Variants in RIMS2 observed in about 807,000 individuals in gnomAD.
The protein encoded by RIMS2 is regulating synaptic membrane exocytosis protein 2.
In RIMS2, 59 loss-of-function variants were observed where a neutral mutation model predicts 174.4. The observed-to-expected ratio is 0.34, with a 90% CI of 0.27 to 0.42. RIMS2 has a LOEUF of 0.42. RIMS2 is among the 10% of genes least tolerant of loss of function. The probability of loss-of-function intolerance (pLI) is 1.00; values close to 1 mark genes in which losing one functional copy is unlikely to be tolerated. For missense variants in RIMS2, 1,620 were observed against 1,666.3 expected, an observed-to-expected ratio of 0.97 and a Z score of 0.48; for synonymous variants, 606 against 572.5, an observed-to-expected ratio of 1.06 and a Z score of -0.84.
At chr8:104,056,396 T>TC (rs531094381) in intron 19 of RIMS2, among the ~76,000 whole-genome samples, 519 of 144,962 alleles carry the variant, frequency 3.6e-3, no homozygotes, top group Non-Finnish European at 6.1e-3. Context: ...AGAGTGAGAC[T>TC]CCATCTTAAA....
intron 1 of RIMS2, among the ~76,000 whole-genome samples, chr8:103,533,597 G>C (rs1034599539): frequency 1.3e-5 from 2 of 148,764 alleles, no homozygotes; most frequent in Non-Finnish European, 3.0e-5. Flanking sequence ...AGGAGGCAGA[G>C]GTTGCAGTGA....
At chr8:104,159,310 A>G (rs1271186751) in intron 19 of RIMS2, among the ~76,000 whole-genome samples, 1 of 152,168 alleles carries the variant, frequency 6.6e-6, no homozygotes, top group African/African-American at 2.4e-5. Flanking sequence ...CTTGTAGTAT[A>G]GTTTGAAGTC....
intron 4 of RIMS2, among the ~76,000 whole-genome samples, chr8:103,905,644 T>C (rs2074216102): frequency 7.1e-6 from 1 of 141,722 alleles, no homozygotes; most frequent in South Asian, 2.3e-4. Flanking sequence ...AAATTTTCAG[T>C]CTTTATTTCT....
intron 1 of RIMS2, among the ~76,000 whole-genome samples, chr8:103,539,228 A>G (rs1841372885): frequency 6.6e-6 from 1 of 152,346 alleles, no homozygotes; most frequent in East Asian, 1.9e-4. Flanking sequence ...AGATGACATT[A>G]TTCTTCTACT....
intron 19 of RIMS2, among the ~76,000 whole-genome samples, chr8:104,065,441 A>G (rs1263928100): frequency 6.6e-6 from 1 of 152,162 alleles, no homozygotes; most frequent in African/African-American, 2.4e-5. Flanking sequence ...TTTCTTAGAT[A>G]GAGCAAAGGA....
intron 3 of RIMS2, among the ~76,000 whole-genome samples, chr8:103,814,733 T>C (rs13260851): frequency 0.032 from 4,870 of 152,014 alleles, 104 homozygotes; most frequent in Non-Finnish European, 0.052. Flanking sequence ...TCAAAAATTA[T>C]TCAGGCATGA....
intron 2 of RIMS2, among the ~76,000 whole-genome samples, chr8:103,726,482 T>C (rs2097528876): frequency 1.3e-5 from 2 of 152,012 alleles, no homozygotes; most frequent in African/African-American, 2.4e-5. Flanking sequence ...GGATATTCCC[T>C]TGCTATACTT....
chr8:104,106,064 A>AAAAAAAG (rs1440086447), intron 19 of RIMS2, among the ~76,000 whole-genome samples: 1 of 146,924 alleles, frequency 6.8e-6, no homozygotes, highest in East Asian at 2.0e-4. Context: ...AAAAAAAAAA[A>AAAAAAAG]AGAGAAAGAG....
chr8:104,225,520 G>A (rs2099181901), intron 19 of RIMS2, among the ~76,000 whole-genome samples: 1 of 152,124 alleles, frequency 6.6e-6, no homozygotes, highest in Non-Finnish European at 1.5e-5. Context: ...GTTTGCTTCA[G>A]ATAAGGTATC....
At chr8:103,855,243 C>A (rs1564932506) in intron 3 of RIMS2, among the ~76,000 whole-genome samples, 1 of 151,780 alleles carries the variant, frequency 6.6e-6, no homozygotes, top group East Asian at 1.9e-4. Context: ...TTTGGATCTT[C>A]TTTTTTTCTT....
chr8:104,037,490 T>C (rs2096540059), intron 19 of RIMS2, among the ~76,000 whole-genome samples: 1 of 152,202 alleles, frequency 6.6e-6, no homozygotes, highest in South Asian at 2.1e-4. Flanking sequence ...TTGTAAATGG[T>C]GGTAAGTGAG....
At chr8:103,549,014 C>G (rs181936564) in intron 1 of RIMS2, among the ~76,000 whole-genome samples, 2 of 151,970 alleles carry the variant, frequency 1.3e-5, no homozygotes, top group African/African-American at 4.8e-5. Context: ...TCAAAGAAAT[C>G]AGAGATACCA....
chr8:103,713,399 A>G (rs927961623), intron 2 of RIMS2, among the ~76,000 whole-genome samples: 1 of 152,074 alleles, frequency 6.6e-6, no homozygotes. Flanking sequence ...CAGACTTTCT[A>G]TGTATTTCCT....
chr8:103,549,199 A>T (rs914289545), intron 1 of RIMS2, among the ~76,000 whole-genome samples: 5 of 152,088 alleles, frequency 3.3e-5, no homozygotes, highest in Admixed American at 6.6e-5. Flanking sequence ...TGAAGGAAAA[A>T]ATATTAAGGG....
intron 19 of RIMS2, among the ~76,000 whole-genome samples, chr8:104,143,379 A>T (rs2098601740): frequency 6.6e-6 from 1 of 152,222 alleles, no homozygotes; most frequent in South Asian, 2.1e-4. Context: ...GACAGAAGCC[A>T]GATTTTTTTG....
chr8:103,911,551 C>G (rs1023700339), intron 5 of RIMS2, among the ~76,000 whole-genome samples: 8 of 152,014 alleles, frequency 5.3e-5, no homozygotes, highest in Admixed American at 1.3e-4. Context: ...CAAAAAAGCC[C>G]TCATCATAGG....
At chr8:103,687,998 C>G (rs2096963502) in intron 1 of RIMS2, among the ~76,000 whole-genome samples, 1 of 152,032 alleles carries the variant, frequency 6.6e-6, no homozygotes, top group East Asian at 1.9e-4. Flanking sequence ...CTTCAACATA[C>G]TGGAGTCTTT....
At chr8:103,942,978 A>T in intron 14 of RIMS2, 52 bp downstream of exon 16, 1 of 1,376,240 alleles carries the variant, frequency 7.3e-7, no homozygotes, top group African/African-American at 1.5e-5. Context: ...CCTAATCTTG[A>T]GTGATGTATG....
At chr8:103,983,053 G>A (rs1250480195) in intron 16 of RIMS2, among the ~76,000 whole-genome samples, 1 of 152,082 alleles carries the variant, frequency 6.6e-6, no homozygotes, top group Non-Finnish European at 1.5e-5. Flanking sequence ...TAAAGTTTCA[G>A]GATACATGAT....
Sources: gnomAD v4.1 joint callset for allele counts (sites outside exome capture counted in the v4.1 genomes callset) on GRCh38, gnomAD v4.1.1 for gene constraint, MANE v1.5 for transcripts, NCBI Gene and HGNC (gene_info 2026-07-23, HGNC 2026-07-21) for gene names.